Variants in ZNF385B observed in about 807,000 individuals in gnomAD.
The protein encoded by ZNF385B is zinc finger protein 385B, also known as zinc finger protein 533.
ZNF385B carries 23 observed loss-of-function variants against 39.2 expected under a neutral mutation model. The observed-to-expected ratio is 0.59, with a 90% CI of 0.42 to 0.83. ZNF385B has a LOEUF of 0.83. ZNF385B is among the 40% of genes least tolerant of loss of function. ZNF385B has a pLI of 0.00. For synonymous variants in ZNF385B, 205 were observed against 222.6 expected (o/e 0.92, Z 0.70); for missense variants, 552 against 598.9 (o/e 0.92, Z 0.82).
chr2:179,463,531 G>A (rs1290129165), intron 6 of ZNF385B, among the ~76,000 whole-genome samples: 1 of 151,794 alleles, frequency 6.6e-6, no homozygotes, highest in African/African-American at 2.4e-5. Context: ...AGGCCCCAGA[G>A]TGTGATGTTC....
At chr2:179,478,403 C>T (rs2053651067) in intron 6 of ZNF385B, among the ~76,000 whole-genome samples, 1 of 152,124 alleles carries the variant, frequency 6.6e-6, no homozygotes, top group Non-Finnish European at 1.5e-5. Context: ...CATGAATGAA[C>T]AAACAATGGA....
At chr2:179,838,578 G>A (rs566089648) in intron 1 of ZNF385B, among the ~76,000 whole-genome samples, 1 of 152,238 alleles carries the variant, frequency 6.6e-6, no homozygotes, top group East Asian at 1.9e-4. Flanking sequence ...GGAAATGCTT[G>A]CTATGTTGCC....
At chr2:179,672,006 C>T (rs1176698513) in intron 3 of ZNF385B, among the ~76,000 whole-genome samples, 1 of 152,228 alleles carries the variant, frequency 6.6e-6, no homozygotes. Flanking sequence ...CTGCAGGTGT[C>T]CAATTCAAAC....
rs2049382777 is a variant in ZNF385B, at chr2:179,445,510, G to A, written c.1140+40C>T. 2.6e-6 allele frequency: 4 copies of A among 1,566,512 alleles called. No individual in the cohort carries two copies. The Admixed American group carries it at 5.4e-5, about 21-fold the overall frequency. On this transcript the variant is annotated intron_variant, in intron 8 of 9. Coordinates refer to ENST00000410066, the MANE Select transcript of ZNF385B (RefSeq NM_152520.6). The stretch of plus-strand genomic sequence containing the variant: ...ATGAGAAGATACACAGTCAAGTGGT[G>A]ACCTAAAACAATAATGTTTACTAAT...
chr2:179,526,438 A>G (rs561139433), intron 4 of ZNF385B, among the ~76,000 whole-genome samples: 8 of 151,772 alleles, frequency 5.3e-5, no homozygotes, highest in South Asian at 4.2e-4. Flanking sequence ...AAAAAAAAAA[A>G]TACAGAATTA....
intron 4 of ZNF385B, among the ~76,000 whole-genome samples, chr2:179,522,065 T>A (rs1358625013): frequency 1.3e-5 from 2 of 152,184 alleles, no homozygotes; most frequent in Non-Finnish European, 2.9e-5. Context: ...GAGACTTTAA[T>A]TGGAATAAAA....
chr2:179,521,769 G>A (rs1193101119), intron 4 of ZNF385B, among the ~76,000 whole-genome samples: 2 of 152,076 alleles, frequency 1.3e-5, no homozygotes, highest in South Asian at 2.1e-4. Flanking sequence ...AATAAGCACA[G>A]CCCTTTTACA....
chr2:179,731,181 C>T (rs1701365690), intron 3 of ZNF385B, among the ~76,000 whole-genome samples: 2 of 152,182 alleles, frequency 1.3e-5, no homozygotes, highest in African/African-American at 4.8e-5. Context: ...GAAAGGTGTA[C>T]CTCTGCTTTT....
intron 1 of ZNF385B, among the ~76,000 whole-genome samples, chr2:179,796,968 T>C (rs2169481): frequency 0.018 from 2,776 of 152,258 alleles, 80 homozygotes; most frequent in African/African-American, 0.064. Context: ...AGATAATACA[T>C]GTAAAGTGAC....
chr2:179,672,730 T>C (rs1344368925), intron 3 of ZNF385B, among the ~76,000 whole-genome samples: 1 of 152,188 alleles, frequency 6.6e-6, no homozygotes, highest in East Asian at 1.9e-4. Flanking sequence ...TCATCTATGA[T>C]GAAGTGGGTC....
intron 3 of ZNF385B, among the ~76,000 whole-genome samples, chr2:179,552,007 T>C (rs751846681): frequency 7.2e-6 from 1 of 139,816 alleles, no homozygotes; most frequent in Non-Finnish European, 1.5e-5. Flanking sequence ...GATTCATCTA[T>C]AGCTATGAAA....
At chr2:179,615,895 T>C (rs1472089096) in intron 3 of ZNF385B, among the ~76,000 whole-genome samples, 1 of 152,240 alleles carries the variant, frequency 6.6e-6, no homozygotes, top group African/African-American at 2.4e-5. Flanking sequence ...CCAAGAATGA[T>C]CTTTATTTTA....
Position 179,533,825 on chromosome 2 carries a change from C to T in ZNF385B, c.441+11002G>A, listed in dbSNP as rs529392211. ...TAAGGGGTCTATATTTGGAAGTCAA[C>T]AGTATTTTAAAAATATAGCAAGAAA... On this transcript the variant is annotated intron_variant, in intron 4 of 9. Transcript: ENST00000410066. Among the ~76,000 whole-genome samples, 8 of 152,222 alleles carry T rather than the reference C, an allele frequency of 5.3e-5. 1 individual carries two copies. The South Asian group carries it at 6.2e-4, about 12-fold the overall frequency.
At chr2:179,722,341 G>A (rs1299565689) in intron 3 of ZNF385B, among the ~76,000 whole-genome samples, 2 of 152,122 alleles carry the variant, frequency 1.3e-5, no homozygotes, top group Non-Finnish European at 2.9e-5. Context: ...AGTCAGCTGT[G>A]AAGAATTTTT....
intron 4 of ZNF385B, among the ~76,000 whole-genome samples, chr2:179,532,077 C>A (rs2059287222): frequency 6.6e-6 from 1 of 152,162 alleles, no homozygotes; most frequent in Non-Finnish European, 1.5e-5. Flanking sequence ...TCGAATAAGG[C>A]TCTGTTAATG....
intron 1 of ZNF385B, among the ~76,000 whole-genome samples, chr2:179,775,533 T>C (rs1473846512): frequency 6.6e-6 from 1 of 152,202 alleles, no homozygotes; most frequent in African/African-American, 2.4e-5. Flanking sequence ...TGGCACTTTA[T>C]TGAGTGCTAG....
At chr2:179,466,445 T>C (rs2052027187) in intron 6 of ZNF385B, among the ~76,000 whole-genome samples, 1 of 152,196 alleles carries the variant, frequency 6.6e-6, no homozygotes, top group Non-Finnish European at 1.5e-5. Flanking sequence ...TAAACTCATG[T>C]TCTGTTCTTT....
chr2:179,568,815 AG>A (rs1684887312), intron 3 of ZNF385B, among the ~76,000 whole-genome samples: 1 of 152,216 alleles, frequency 6.6e-6, no homozygotes, highest in Admixed American at 6.5e-5. Context: ...ATTTGATATA[AG>A]AGGACAGAAG....
intron 3 of ZNF385B, among the ~76,000 whole-genome samples, chr2:179,694,033 A>G (rs1482645167): frequency 1.3e-5 from 2 of 152,194 alleles, no homozygotes; most frequent in Non-Finnish European, 2.9e-5. Context: ...TGATTAATAG[A>G]CTCATTTATC....
Sources: allele counts gnomAD v4.1 joint callset (sites outside exome capture counted in the v4.1 genomes callset), GRCh38; gene constraint gnomAD v4.1.1; transcripts MANE v1.5; gene names NCBI Gene and HGNC (gene_info 2026-07-23, HGNC 2026-07-21).